Variants in KIF6 observed in about 807,000 individuals in gnomAD.
The protein encoded by KIF6 is kinesin-like protein KIF6.
KIF6 carries 106 observed loss-of-function variants against 112.7 expected under a neutral mutation model. That is an observed-to-expected ratio of 0.94 (90% CI 0.80 to 1.11). KIF6 has a LOEUF of 1.11. Ranked by LOEUF, KIF6 falls within the 50% of genes least tolerant of loss-of-function variation. The pLI, the probability that KIF6 is intolerant of heterozygous loss-of-function variation, is 0.00. For missense variants in KIF6, 929 were observed against 964.0 expected (o/e 0.96, Z 0.48); for synonymous variants, 339 against 339.9 (o/e 1.00, Z 0.03).
At chr6:39,446,024 T>C (rs1266454165) in intron 13 of KIF6, among the ~76,000 whole-genome samples, 1 of 152,172 alleles carries the variant, frequency 6.6e-6, no homozygotes, top group Non-Finnish European at 1.5e-5. Flanking sequence ...TTCAGATGAT[T>C]GAAGAAGATT....
chr6:39,542,038 G>A (rs1233933001), intron 12 of KIF6, among the ~76,000 whole-genome samples: 1 of 152,298 alleles, frequency 6.6e-6, no homozygotes, highest in East Asian at 1.9e-4. Context: ...CCTAGCACAC[G>A]TGGGACGAGG....
At position 39,378,060 on chromosome 6, in the gene KIF6, T is replaced by C. The variant is rs1277985655; in HGVS notation, c.1861+7562A>G. Among the ~76,000 whole-genome samples, 1 of 152,162 alleles carries C rather than the reference T, an allele frequency of 6.6e-6. No individual in the cohort carries two copies. The highest frequency in any genetic ancestry group is 2.4e-5 in the African/African-American group (1 of 41,414). ...TAATACTATCAGTATAACTATCTTCTATAACAGTATATGAAACATGCTCGC... is the reference window on the plus strand; with the variant it reads ...TAATACTATCAGTATAACTATCTTCCATAACAGTATATGAAACATGCTCGC... On this transcript the variant is annotated intron_variant, in intron 16 of 22. Transcript: ENST00000287152. The surrounding 1 kb of genome is among the most constrained non-coding windows in gnomAD (Gnocchi z 5.0).
chr6:39,709,203 T>A (rs541497553), intron 3 of KIF6, among the ~76,000 whole-genome samples: 1 of 152,308 alleles, frequency 6.6e-6, no homozygotes, highest in East Asian at 1.9e-4. Flanking sequence ...TTTCTCCCCA[T>A]ACATGCAGTC....
At position 39,409,216 on chromosome 6, in the gene KIF6, C is replaced by T. The variant is rs1419587599; in HGVS notation, c.1810+10732G>A. Among the ~76,000 whole-genome samples the T allele has an allele frequency of 3.3e-5, 5 of 152,122 alleles. No individual in the cohort carries two copies. In the East Asian group the frequency reaches 7.7e-4, roughly 23 times the overall value. On this transcript the variant is annotated intron_variant, in intron 15 of 22. Transcript: ENST00000287152. ...ACACAGTCACTGGCAGTGGGCTTCT[C>T]TGTTTGCCACCAGTCCTTTCAGGCA... is the stretch of plus-strand genomic sequence containing the variant.
chr6:39,482,800 TA>T (rs2150460272), intron 13 of KIF6, among the ~76,000 whole-genome samples: 1 of 152,322 alleles, frequency 6.6e-6, no homozygotes, highest in South Asian at 2.1e-4. Context: ...GAGAGTACCA[TA>T]AGCCATTGCA....
At chr6:39,621,659 T>C (rs1388539126) in intron 5 of KIF6, among the ~76,000 whole-genome samples, 1 of 152,202 alleles carries the variant, frequency 6.6e-6, no homozygotes, top group Non-Finnish European at 1.5e-5. Flanking sequence ...TAGTAGTGTA[T>C]GTTGCACATT....
At chr6:39,669,307 T>C (rs927608803) in intron 3 of KIF6, among the ~76,000 whole-genome samples, 1 of 152,188 alleles carries the variant, frequency 6.6e-6, no homozygotes, top group African/African-American at 2.4e-5. Flanking sequence ...TAAGAGGAAA[T>C]GGCTAAAATC....
intron 16 of KIF6, among the ~76,000 whole-genome samples, chr6:39,367,234 CA>C (rs1562139013): frequency 6.6e-6 from 1 of 152,246 alleles, no homozygotes; most frequent in South Asian, 2.1e-4. Flanking sequence ...CAAAGGGAAC[CA>C]AATAAAAGCC....
intron 8 of KIF6, among the ~76,000 whole-genome samples, 190 bp downstream of exon 8, chr6:39,586,071 A>T (rs908293344): frequency 1.3e-5 from 2 of 152,344 alleles, no homozygotes; most frequent in South Asian, 2.1e-4. Flanking sequence ...AAATGGGGTT[A>T]TTATAACAAT....
intron 3 of KIF6, among the ~76,000 whole-genome samples, chr6:39,659,220 T>A (rs1561905633): frequency 6.6e-6 from 1 of 152,180 alleles, no homozygotes; most frequent in Non-Finnish European, 1.5e-5. Context: ...TTTATGTATT[T>A]TATAGCAATT....
intron 6 of KIF6, among the ~76,000 whole-genome samples, chr6:39,610,507 A>T (rs978162605): frequency 6.6e-6 from 1 of 152,158 alleles, no homozygotes; most frequent in African/African-American, 2.4e-5. Context: ...TTCGTTTTTT[A>T]AAAAAATGAT....
chr6:39,695,451 A>T (rs1788473658), intron 3 of KIF6, among the ~76,000 whole-genome samples: 1 of 152,226 alleles, frequency 6.6e-6, no homozygotes, highest in Non-Finnish European at 1.5e-5. Context: ...GAACTTAAAG[A>T]AATCAATAAG....
intron 13 of KIF6, among the ~76,000 whole-genome samples, chr6:39,516,040 G>A (rs1057421106): frequency 6.6e-6 from 1 of 152,154 alleles, no homozygotes; most frequent in African/African-American, 2.4e-5. Flanking sequence ...ATTCTCACTG[G>A]AGCATTGTGG....
intron 3 of KIF6, among the ~76,000 whole-genome samples, chr6:39,659,641 T>C (rs1372263298): frequency 6.6e-6 from 1 of 152,190 alleles, no homozygotes; most frequent in Admixed American, 6.5e-5. Flanking sequence ...GATGGTTTTA[T>C]AAGGGGCTTT....
chr6:39,397,716 G>T (rs781518004), intron 15 of KIF6, among the ~76,000 whole-genome samples: 1 of 152,124 alleles, frequency 6.6e-6, no homozygotes, highest in Non-Finnish European at 1.5e-5. Flanking sequence ...AGAGGTTTTT[G>T]CAGTGAAGCT....
intron 10 of KIF6, among the ~76,000 whole-genome samples, chr6:39,571,899 C>T (rs1232165359): frequency 1.4e-5 from 2 of 142,018 alleles, no homozygotes; most frequent in African/African-American, 5.1e-5. Flanking sequence ...TCTCACATTC[C>T]CTTTCAGAAT....
intron 16 of KIF6, among the ~76,000 whole-genome samples, chr6:39,380,973 T>C (rs939670384): frequency 6.6e-6 from 1 of 152,202 alleles, no homozygotes; most frequent in Non-Finnish European, 1.5e-5. Flanking sequence ...CTCCCCACAT[T>C]CCTGGAGTAC....
chr6:39,710,904 A>C (rs975680720), intron 3 of KIF6, among the ~76,000 whole-genome samples: 1 of 152,018 alleles, frequency 6.6e-6, no homozygotes, highest in African/African-American at 2.4e-5. Context: ...ATGCATGTGT[A>C]ATTTCAACTA....
intron 10 of KIF6, among the ~76,000 whole-genome samples, chr6:39,546,081 C>A (rs909868433): frequency 6.6e-6 from 1 of 152,090 alleles, no homozygotes; most frequent in African/African-American, 2.4e-5. Flanking sequence ...CTCAGTGATA[C>A]CCCACTATTT....
Sources: gnomAD v4.1 joint callset for allele counts (sites outside exome capture counted in the v4.1 genomes callset) on GRCh38, gnomAD v4.1.1 for gene constraint, Gnocchi (gnomAD v3.1) non-coding constraint, MANE v1.5 for transcripts, NCBI Gene and HGNC (gene_info 2026-07-23, HGNC 2026-07-21) for gene names.